FTO: variants seen among roughly 807,000 people sequenced by gnomAD.
FTO encodes the protein FTO alpha-ketoglutarate dependent dioxygenase.
FTO carries 47 observed loss-of-function variants against 63.9 expected under a neutral mutation model. That is an observed-to-expected ratio of 0.74 (90% CI 0.58 to 0.94). The LOEUF (loss-of-function observed/expected upper bound fraction) is 0.94. FTO is among the 40% of genes least tolerant of loss of function. FTO has a pLI of 0.00. For missense variants in FTO, 562 were observed against 618.1 expected, an observed-to-expected ratio of 0.91 and a Z score of 0.96; for synonymous variants, 207 against 224.4, an observed-to-expected ratio of 0.92 and a Z score of 0.69.
intron 8 of FTO, among the ~76,000 whole-genome samples, chr16:54,095,526 G>A (rs1022976103): frequency 4.7e-5 from 7 of 149,372 alleles, no homozygotes; most frequent in Non-Finnish European, 7.4e-5. Flanking sequence ...TGCTTACATT[G>A]TGTGGCAGGC....
At chr16:54,110,224 C>T (rs2086851316) in intron 8 of FTO, among the ~76,000 whole-genome samples, 1 of 152,158 alleles carries the variant, frequency 6.6e-6, no homozygotes, top group Non-Finnish European at 1.5e-5. Flanking sequence ...CAGTGTGTAG[C>T]TTATCAGTGC....
chr16:53,820,193 G>GGT (rs2078818866), intron 2 of FTO, among the ~76,000 whole-genome samples: 1 of 151,776 alleles, frequency 6.6e-6, no homozygotes, highest in Non-Finnish European at 1.5e-5. Context: ...ATTTTTAGTA[G>GGT]AAACAGGGTT....
intron 8 of FTO, among the ~76,000 whole-genome samples, chr16:54,082,866 G>T (rs1181389843): frequency 6.6e-6 from 1 of 152,114 alleles, no homozygotes; most frequent in Non-Finnish European, 1.5e-5. Context: ...TTACAATTTA[G>T]GAGCTTTTTA....
At chr16:53,967,041 G>C (rs559896958) in intron 8 of FTO, among the ~76,000 whole-genome samples, 56 of 152,310 alleles carry the variant, frequency 3.7e-4, no homozygotes, top group Admixed American at 1.2e-3. Context: ...GGCTGGATGA[G>C]TCGGTCTTTG....
intron 8 of FTO, among the ~76,000 whole-genome samples, chr16:54,066,484 T>A (rs1360135144): frequency 3.3e-5 from 5 of 152,248 alleles, no homozygotes; most frequent in Admixed American, 2.6e-4. Context: ...CAAATTCCCA[T>A]GCCAGTGAAG....
chr16:53,807,449 T>C (rs2078402014), intron 1 of FTO, among the ~76,000 whole-genome samples: 1 of 152,244 alleles, frequency 6.6e-6, no homozygotes, highest in African/African-American at 2.4e-5. Context: ...AGAATTTAGC[T>C]GAAGCATTAA....
chr16:53,709,411 C>T (rs1328993149), intron 1 of FTO, among the ~76,000 whole-genome samples: 4 of 152,154 alleles, frequency 2.6e-5, no homozygotes, highest in Admixed American at 1.3e-4. Context: ...TCTACTATTT[C>T]CTTACTGTAG....
intron 4 of FTO, among the ~76,000 whole-genome samples, chr16:53,846,148 TC>T (rs2079614526): frequency 6.6e-6 from 1 of 152,182 alleles, no homozygotes; most frequent in South Asian, 2.1e-4. Context: ...GCAGTGCTTT[TC>T]CTACTCTAAA....
intron 8 of FTO, among the ~76,000 whole-genome samples, chr16:54,088,472 C>T (rs750092395): frequency 4.6e-5 from 7 of 152,162 alleles, no homozygotes; most frequent in Non-Finnish European, 1.0e-4. Flanking sequence ...CTAGCTTTTG[C>T]AAGTACAGTT....
intron 4 of FTO, among the ~76,000 whole-genome samples, chr16:53,850,716 A>G (rs776200680): frequency 1.3e-5 from 2 of 152,062 alleles, no homozygotes; most frequent in African/African-American, 2.4e-5. Flanking sequence ...GGACTATTAC[A>G]TAGTAGACTC....
At chr16:54,090,536 A>G (rs1446319097) in intron 8 of FTO, among the ~76,000 whole-genome samples, 5 of 152,160 alleles carry the variant, frequency 3.3e-5, no homozygotes, top group Non-Finnish European at 7.3e-5. Flanking sequence ...CAAATGGCAT[A>G]TTTTTGTTAT....
At chr16:53,939,723 C>T (rs2082482123) in intron 8 of FTO, among the ~76,000 whole-genome samples, 1 of 152,156 alleles carries the variant, frequency 6.6e-6, no homozygotes, top group South Asian at 2.1e-4. Context: ...AATACGTGAC[C>T]TTTTATGTCT....
At chr16:53,950,173 A>C (rs1371264112) in intron 8 of FTO, among the ~76,000 whole-genome samples, 3 of 142,584 alleles carry the variant, frequency 2.1e-5, no homozygotes, top group South Asian at 2.2e-4. Context: ...AAAAAAAAAA[A>C]AAAAAACTTA....
At chr16:53,855,561 A>G (rs1014786333) in intron 4 of FTO, among the ~76,000 whole-genome samples, 2 of 151,098 alleles carry the variant, frequency 1.3e-5, no homozygotes, top group East Asian at 1.9e-4. Flanking sequence ...TTTTCATTTC[A>G]TGGTAGTGTG....
chr16:53,726,253 A>C lies in FTO; in HGVS notation c.45+22024A>C, dbSNP rs558676732. Among the ~76,000 whole-genome samples the C allele has an allele frequency of 2.6e-5, 4 of 152,346 alleles. No homozygotes were observed. In the South Asian group the frequency reaches 8.3e-4, roughly 32 times the overall value. ...ATTATTTTTCATTAAATAAAATTCT[A>C]TATACACACACTAATATTCACAGTT... On this transcript the variant is annotated intron_variant, in intron 1 of 8. Transcript: ENST00000471389.
At chr16:54,039,813 C>G (rs1001261922) in intron 8 of FTO, 90 of 152,236 alleles carry the variant, frequency 5.9e-4, no homozygotes, top group African/African-American at 1.8e-3. Context: ...GATCATTTCT[C>G]TAATCACTTA....
At chr16:53,931,451 C>T (rs750083561) in intron 7 of FTO, among the ~76,000 whole-genome samples, 9 of 151,790 alleles carry the variant, frequency 5.9e-5, no homozygotes, top group Non-Finnish European at 1.2e-4. Flanking sequence ...GGATTATAGA[C>T]GCCTGCCACC....
intron 8 of FTO, among the ~76,000 whole-genome samples, chr16:54,088,229 T>C (rs1292095316): frequency 1.3e-5 from 2 of 152,232 alleles, no homozygotes; most frequent in Non-Finnish European, 2.9e-5. Flanking sequence ...TATTATGCCA[T>C]ACAAATCAAT....
Position 53,945,119 on chromosome 16 carries a change from C to G in FTO, c.1364+11010C>G, listed in dbSNP as rs147354327. On this transcript the variant is annotated intron_variant, in intron 8 of 8. Transcript: ENST00000471389. ...TTATGTAAGAAAGAAGCGACTTGAT[C>G]TCGATCGCCCCAAAAGTGGGAGGCA... is the stretch of plus-strand genomic sequence containing the variant. 1.2e-3 allele frequency among the ~76,000 whole-genome samples: 180 copies of G among 152,322 alleles called. 1 individual carries two copies. The highest frequency in any genetic ancestry group is 4.1e-3 in the African/African-American group (170 of 41,578).
Sources: gnomAD v4.1 joint callset for allele counts (sites outside exome capture counted in the v4.1 genomes callset) on GRCh38, gnomAD v4.1.1 for gene constraint, MANE v1.5 for transcripts, NCBI Gene and HGNC (gene_info 2026-07-23, HGNC 2026-07-21) for gene names.